HOMER2: variants seen among roughly 807,000 people sequenced by gnomAD.
The protein encoded by HOMER2 is homer scaffold protein 2, also known as homer protein homolog 2.
A neutral mutation model predicts 47.0 loss-of-function variants in HOMER2; 27 were observed. The observed-to-expected ratio is 0.57, with a 90% confidence interval of 0.42 to 0.79. HOMER2 has a LOEUF of 0.79. Among genes scored for constraint, HOMER2 ranks in the 30% least tolerant of loss-of-function variants. The pLI is 0.00. For synonymous variants in HOMER2, 161 were observed against 163.8 expected, an observed-to-expected ratio of 0.98 and a Z score of 0.13; for missense variants, 443 against 435.0, an observed-to-expected ratio of 1.02 and a Z score of -0.16.
intron 1 of HOMER2, among the ~76,000 whole-genome samples, chr15:82,928,768 G>A (rs2053919300): frequency 6.6e-6 from 1 of 151,578 alleles, no homozygotes; most frequent in Non-Finnish European, 1.5e-5. Context: ...CTAGGATAGA[G>A]GAGCTTGAAA....
chr15:82,950,594 G>C (rs150126742), intron 1 of HOMER2, among the ~76,000 whole-genome samples: 14 of 152,192 alleles, frequency 9.2e-5, no homozygotes, highest in African/African-American at 3.4e-4. Context: ...CTCAATTTAC[G>C]ACCATGGCTT....
intron 1 of HOMER2, among the ~76,000 whole-genome samples, chr15:82,974,430 C>T (rs866110794): frequency 2.6e-5 from 4 of 151,888 alleles, no homozygotes; most frequent in African/African-American, 9.7e-5. Flanking sequence ...TACTAAAGGT[C>T]TCCATAGAGC....
intron 1 of HOMER2, among the ~76,000 whole-genome samples, chr15:82,924,179 C>T (rs1567057420): frequency 6.6e-6 from 1 of 152,084 alleles, no homozygotes; most frequent in East Asian, 1.9e-4. Context: ...GCACATTCTC[C>T]CGTCACTCTG....
upstream of HOMER2, chr15:82,952,826 G>T: frequency 1.8e-6 from 1 of 552,654 alleles, no homozygotes; most frequent in Non-Finnish European, 2.3e-6. Flanking sequence ...CCCGGGCCGC[G>T]GCAGCGAGCC....
chr15:82,962,318 T>C (rs2054637266), intron 1 of HOMER2, among the ~76,000 whole-genome samples: 1 of 146,814 alleles, frequency 6.8e-6, no homozygotes, highest in Non-Finnish European at 1.5e-5. Context: ...TGAGCTGAGA[T>C]TGCGCCACTG....
intron 1 of HOMER2, among the ~76,000 whole-genome samples, chr15:82,985,321 C>CTATACCTATACCTTACA (rs2030553777): frequency 6.6e-6 from 1 of 152,024 alleles, no homozygotes; most frequent in Non-Finnish European, 1.5e-5. Context: ...TTGAAGATGG[C>CTATACCTATACCTTACA]TACACCTATA....
intron 1 of HOMER2, among the ~76,000 whole-genome samples, chr15:82,894,498 C>T (rs1327629637): frequency 6.6e-6 from 1 of 151,740 alleles, no homozygotes; most frequent in African/African-American, 2.4e-5. Context: ...GGTGAAGCCC[C>T]GTCTCTACTA....
intron 1 of HOMER2, among the ~76,000 whole-genome samples, chr15:82,897,688 G>C (rs1306707622): frequency 6.6e-6 from 1 of 152,164 alleles, no homozygotes; most frequent in Non-Finnish European, 1.5e-5. Flanking sequence ...TGCCATATTA[G>C]GGAGATCCAC....
At chr15:82,977,879 G>T (rs1485407121) in intron 1 of HOMER2, among the ~76,000 whole-genome samples, 1 of 152,164 alleles carries the variant, frequency 6.6e-6, no homozygotes, top group Non-Finnish European at 1.5e-5. Context: ...GGGCACGGTG[G>T]ATCACACCTA....
chr15:82,884,737 G>T (rs2052597355), intron 2 of HOMER2, among the ~76,000 whole-genome samples: 1 of 71,350 alleles, frequency 1.4e-5, no homozygotes, highest in Non-Finnish European at 2.5e-5. Flanking sequence ...TTTGTACATT[G>T]ATTTTGTATC....
At chr15:82,864,072 T>C in intron 4 of HOMER2, 95 bp downstream of exon 4, 1 of 715,044 alleles carries the variant, frequency 1.4e-6, no homozygotes, top group Non-Finnish European at 2.4e-6. Flanking sequence ...AATGACCTAT[T>C]GTCAAAATTC....
intron 1 of HOMER2, among the ~76,000 whole-genome samples, chr15:82,894,447 G>A (rs538421473): frequency 3.3e-5 from 5 of 151,802 alleles, no homozygotes; most frequent in Middle Eastern, 3.2e-3. Flanking sequence ...CCATTGTTGC[G>A]GATCACGAGG....
chr15:82,981,723 T>C (rs1596391743), intron 1 of HOMER2, among the ~76,000 whole-genome samples: 1 of 152,346 alleles, frequency 6.6e-6, no homozygotes, highest in East Asian at 1.9e-4. Context: ...GGATGAACCT[T>C]GAAGACCTTA....
chr15:82,942,920 C>T (rs1028005686), intron 1 of HOMER2, among the ~76,000 whole-genome samples: 16 of 152,206 alleles, frequency 1.1e-4, no homozygotes, highest in African/African-American at 3.4e-4. Flanking sequence ...AACTCTGGCA[C>T]TGCTCAGGAC....
intron 1 of HOMER2, among the ~76,000 whole-genome samples, chr15:82,928,238 C>T (rs1025132439): frequency 1.3e-5 from 2 of 152,158 alleles, no homozygotes; most frequent in African/African-American, 2.4e-5. Context: ...TGGCGGCCAC[C>T]GCAACACAGG....
At chr15:82,869,458 T>TA (rs2052106085) in intron 3 of HOMER2, among the ~76,000 whole-genome samples, 1 of 130,002 alleles carries the variant, frequency 7.7e-6, no homozygotes, top group Non-Finnish European at 1.6e-5. Flanking sequence ...ATCTTTTTTT[T>TA]TTTTTTTTTT....
At chr15:82,857,766 G>T (rs1000051941) in intron 5 of HOMER2, among the ~76,000 whole-genome samples, 2 of 152,000 alleles carry the variant, frequency 1.3e-5, no homozygotes, top group African/African-American at 2.4e-5. Flanking sequence ...TGAGGAGGGG[G>T]GCTTCTCGGT....
chr15:82,906,272 A>C (rs1222552983), intron 1 of HOMER2, among the ~76,000 whole-genome samples: 1 of 152,234 alleles, frequency 6.6e-6, no homozygotes, highest in Non-Finnish European at 1.5e-5. Context: ...AGAAGAAAAA[A>C]TTGGAACAAA....
intron 2 of HOMER2, among the ~76,000 whole-genome samples, chr15:82,890,317 A>G (rs190629150): frequency 6.6e-6 from 1 of 152,236 alleles, no homozygotes; most frequent in Admixed American, 6.5e-5. Flanking sequence ...ACTCCAGCCT[A>G]GGCGACAAAG....
Sources: gnomAD v4.1 joint callset for allele counts (sites outside exome capture counted in the v4.1 genomes callset) on GRCh38, gnomAD v4.1.1 for gene constraint, MANE v1.5 for transcripts, NCBI Gene and HGNC (gene_info 2026-07-23, HGNC 2026-07-21) for gene names.